The following C11orf65 variants were observed in gnomAD, a reference collection of about 807,000 sequenced individuals.
C11orf65 encodes chromosome 11 open reading frame 65, also known as protein MFI.
In C11orf65, 38 loss-of-function variants were observed where a neutral mutation model predicts 35.3. The observed-to-expected ratio is 1.08, with a 90% CI of 0.83 to 1.41. The LOEUF (loss-of-function observed/expected upper bound fraction) is 1.41, where lower values mean the gene tolerates loss of function less well. Ranked by LOEUF, C11orf65 falls within the 40% of genes most tolerant of loss-of-function variation. C11orf65 has a pLI of 0.00. For missense variants in C11orf65, 370 were observed against 367.1 expected (o/e 1.01, Z -0.06); for synonymous variants, 105 against 114.4 (o/e 0.92, Z 0.53).
intron 3 of C11orf65, among the ~76,000 whole-genome samples, chr11:108,408,434 G>C (rs907302452): frequency 2.0e-5 from 3 of 151,902 alleles, no homozygotes; most frequent in Non-Finnish European, 4.4e-5. Context: ...CAACACTTTG[G>C]GAAGCCGAGG....
rs760955058 is a variant in C11orf65 at position 108,347,357 on chromosome 11, T to C, written c.227-12065A>G. 4.4e-6 allele frequency: 7 copies of C among 1,592,710 alleles called. No homozygotes were observed. The highest frequency in any genetic ancestry group is 1.3e-5 in the African/African-American group (1 of 74,516). On this transcript the variant is annotated intron_variant, in intron 2 of 3. Coordinates refer to the C11orf65 transcript ENST00000524755. ...GAGCAGTCAGCAGAACTTGTACATA[T>C]AGATCTAGGTAAGTAATAAAATCTA...
intron 6 of C11orf65, among the ~76,000 whole-genome samples, chr11:108,321,809 A>G (rs2085254967): frequency 6.6e-6 from 1 of 151,956 alleles, no homozygotes; most frequent in Admixed American, 6.6e-5. Flanking sequence ...AACTATGTAG[A>G]GACCAAATGT....
At chr11:108,329,455 G>A (rs117678340), downstream of C11orf65, 38,316 of 552,726 alleles carry the variant, frequency 0.069, 1,924 homozygotes, top group Non-Finnish European at 0.081. Flanking sequence ...CACCCAGGCT[G>A]GAGTACAGTG....
At chr11:108,329,120 C>G (rs747372355), downstream of C11orf65, 4 of 1,613,988 alleles carry the variant, frequency 2.5e-6, no homozygotes, top group Non-Finnish European at 3.4e-6. Context: ...TTCAGATACT[C>G]AATACCAAAG....
rs1555126346 is a variant in C11orf65, at chr11:108,333,987, T to C, written c.299+1233A>G. The C allele has an allele frequency of 5.1e-6, 8 of 1,569,928 alleles. No individual in the cohort carries two copies. The highest frequency in any genetic ancestry group is 7.0e-6 in the Non-Finnish European group (8 of 1,141,208). On this transcript the variant is annotated intron_variant, in intron 3 of 3. Coordinates refer to the C11orf65 transcript ENST00000524755. ...AATTAAGGTAATTTGCAATTAACTC[T>C]TGATTTTTTTTAAACTAAATTTTTT...
chr11:108,383,129 T>C lies in C11orf65; in HGVS notation c.834A>G (p.Gly278=). 1 of 1,610,310 alleles carries C rather than the reference T, an allele frequency of 6.2e-7. No individual in the cohort carries two copies. Among genetic ancestry groups the C allele is most frequent in the Non-Finnish European group, 8.5e-7 (1 of 1,178,818 alleles). The stretch of plus-strand genomic sequence containing the variant: ...TTCCCATTTGCATCTTTGATATGTC[T>C]CCTCCATAGTTATATATGTTTTTCT... ...QAQKNIYNYG[G]DISKMQMGIP... The change falls in exon 9 of 9, where the codon GGA becomes GGG. Residue 278 remains glycine (G), a synonymous_variant. Transcript: ENST00000393084.
intron 3 of C11orf65, among the ~76,000 whole-genome samples, chr11:108,430,576 G>C (rs540760082): frequency 7.9e-5 from 12 of 151,918 alleles, no homozygotes; most frequent in African/African-American, 2.7e-4. Context: ...GGGTACGGTG[G>C]TTTACACCTG....
At chr11:108,430,315 A>G (rs1441671894) in intron 3 of C11orf65, among the ~76,000 whole-genome samples, 2 of 105,682 alleles carry the variant, frequency 1.9e-5, no homozygotes, top group African/African-American at 7.3e-5. Context: ...TTTTTTTTGT[A>G]TTTTTAGTAG....
downstream of C11orf65, chr11:108,329,256 A>C (rs777909508): frequency 6.3e-6 from 10 of 1,593,942 alleles, no homozygotes; most frequent in Admixed American, 1.3e-4. Context: ...GGTTTCTACA[A>C]GTGACAATTT....
At chr11:108,441,909 C>G (rs1236035605) in intron 2 of C11orf65, among the ~76,000 whole-genome samples, 1 of 152,186 alleles carries the variant, frequency 6.6e-6, no homozygotes, top group Non-Finnish European at 1.5e-5. Flanking sequence ...TATCAGAATG[C>G]CTCTTCTCCT....
rs4988085 is a variant in C11orf65, at chr11:108,316,316, C to CT, written c.641-7246_641-7245insA. Among the ~76,000 whole-genome samples the CT allele has an allele frequency of 3.5e-4, 54 of 152,226 alleles. No individual in the cohort carries two copies. In the East Asian group the frequency reaches 0.01, roughly 29 times the overall value. The stretch of plus-strand genomic sequence containing the variant: ...AAAAGAGAAAAAATTCAGGGAGACA[C>CT]AGGAAAGTCAGACAGGTCATTGACC... On this transcript the variant is annotated intron_variant, in intron 6 of 6. Transcript: ENST00000525729.
intron 3 of C11orf65, among the ~76,000 whole-genome samples, chr11:108,415,716 C>T (rs10890834): frequency 0.54 from 81,657 of 151,936 alleles, 22,528 homozygotes; most frequent in Middle Eastern, 0.74. Context: ...AGACTTACCA[C>T]GAAACTACAA....
At chr11:108,364,950 G>A in intron 2 of C11orf65, 1 of 948,696 alleles carries the variant, frequency 1.1e-6, no homozygotes, top group Non-Finnish European at 1.6e-6. Flanking sequence ...CATGAAGTGT[G>A]CATGATGTTT....
At chr11:108,432,452 T>C (rs368241583) in intron 2 of C11orf65, among the ~76,000 whole-genome samples, 1 of 152,212 alleles carries the variant, frequency 6.6e-6, no homozygotes, top group African/African-American at 2.4e-5. Context: ...GATTCTGTAA[T>C]GGTAACAACG....
At chr11:108,353,281 T>A (rs2089430047) in intron 2 of C11orf65, among the ~76,000 whole-genome samples, 1 of 152,008 alleles carries the variant, frequency 6.6e-6, no homozygotes, top group Non-Finnish European at 1.5e-5. Flanking sequence ...CCCGAGTAAC[T>A]GGGATTATAG....
chr11:108,424,178 T>C (rs2092864664), intron 3 of C11orf65, among the ~76,000 whole-genome samples: 1 of 152,166 alleles, frequency 6.6e-6, no homozygotes, highest in Non-Finnish European at 1.5e-5. Flanking sequence ...GAGGAATTGC[T>C]ATCTAGAATA....
chr11:108,353,714 G>A, intron 2 of C11orf65: 2 of 1,417,574 alleles, frequency 1.4e-6, no homozygotes, highest in South Asian at 2.3e-5. Context: ...TAACTGGAAA[G>A]AAAGTAAATT....
intron 2 of C11orf65, among the ~76,000 whole-genome samples, chr11:108,458,717 A>T (rs1489952659): frequency 6.6e-6 from 1 of 152,116 alleles, no homozygotes. Flanking sequence ...TATTTTATTA[A>T]TTTTTTGACT....
intron 2 of C11orf65, among the ~76,000 whole-genome samples, chr11:108,454,423 C>T (rs148311131): frequency 0.011 from 1,691 of 151,706 alleles, 28 homozygotes; most frequent in African/African-American, 0.038. Flanking sequence ...CTCAGCCTTC[C>T]GAGTAGTTGG....
Sources: gnomAD v4.1 joint callset for allele counts (sites outside exome capture counted in the v4.1 genomes callset) on GRCh38, gnomAD v4.1.1 for gene constraint, MANE v1.5 for transcripts, NCBI Gene and HGNC (gene_info 2026-07-23, HGNC 2026-07-21) for gene names.